AMDHD1: variants seen among roughly 807,000 people sequenced by gnomAD.
The protein encoded by AMDHD1 is amidohydrolase domain containing 1.
In AMDHD1, 45 loss-of-function variants were observed where a neutral mutation model predicts 44.1. That is an observed-to-expected ratio of 1.02 (90% confidence interval 0.80 to 1.31). The LOEUF is 1.31. AMDHD1 is among the 50% of genes most tolerant of loss of function. The pLI is 0.00. For missense variants in AMDHD1, 586 were observed against 552.1 expected, an observed-to-expected ratio of 1.06 and a Z score of -0.61; for synonymous variants, 206 against 205.0, an observed-to-expected ratio of 1.00 and a Z score of -0.04.
Position 95,943,549 on chromosome 12 carries a change from C to T in AMDHD1, c.137+14C>T, listed in dbSNP as rs983712567. Reference sequence around the variant, plus strand: ...GGTGGTGGGCAAGTAAGTGGCCGGGCGCGCAGGGTGGGGACCGCCACGGGC... The same window carrying T: ...GGTGGTGGGCAAGTAAGTGGCCGGGTGCGCAGGGTGGGGACCGCCACGGGC... On this transcript the variant is annotated intron_variant, in intron 1 of 8. Transcript: ENST00000266736. 3 of 1,438,804 alleles carry T rather than the reference C, an allele frequency of 2.1e-6. No individual in the cohort carries two copies. Among genetic ancestry groups the T allele is most frequent in the African/African-American group, 3.0e-5 (2 of 67,196 alleles). The allele number at this position is 1,438,804 out of a possible 1,614,324, so 89.1% of individuals were successfully genotyped here.
At chr12:95,958,544 G>A (rs1243036881) in intron 4 of AMDHD1, among the ~76,000 whole-genome samples, 1 of 152,098 alleles carries the variant, frequency 6.6e-6, no homozygotes, top group African/African-American at 2.4e-5. Context: ...AATATAAAGT[G>A]TATAATAGTC....
At chr12:95,958,034 CA>C (rs2080561398) in intron 4 of AMDHD1, among the ~76,000 whole-genome samples, 1 of 152,082 alleles carries the variant, frequency 6.6e-6, no homozygotes, top group African/African-American at 2.4e-5. Context: ...GCCTGGGCGA[CA>C]GAGCAAAACT....
At chr12:95,959,295 A>G (rs767132680) in intron 4 of AMDHD1, among the ~76,000 whole-genome samples, 3 of 152,330 alleles carry the variant, frequency 2.0e-5, no homozygotes, top group Non-Finnish European at 4.4e-5. Context: ...GCTAAAGAGC[A>G]TCTCCTAAGT....
At chr12:95,954,100 T>C (rs1402109461) in intron 2 of AMDHD1, among the ~76,000 whole-genome samples, 1 of 152,220 alleles carries the variant, frequency 6.6e-6, no homozygotes, top group Non-Finnish European at 1.5e-5. Context: ...TGCTTTACAG[T>C]TTCTCCTTAA....
intron 6 of AMDHD1, among the ~76,000 whole-genome samples, chr12:95,962,958 A>G (rs1366828364): frequency 6.6e-6 from 1 of 152,148 alleles, no homozygotes; most frequent in Non-Finnish European, 1.5e-5. Context: ...AGGAAAGAGG[A>G]GACATATATT....
intron 8 of AMDHD1, among the ~76,000 whole-genome samples, 185 bp from the exon 9 acceptor site, chr12:95,967,571 A>C (rs1451213728): frequency 1.3e-5 from 2 of 152,094 alleles, no homozygotes; most frequent in Admixed American, 1.3e-4. Flanking sequence ...TGATATTATT[A>C]AACAATGTTT....
chr12:95,963,706 G>GT, intron 6 of AMDHD1, among the ~76,000 whole-genome samples: 1 of 152,254 alleles, frequency 6.6e-6, no homozygotes, highest in South Asian at 2.1e-4. Context: ...CAAGAAATAA[G>GT]TTTTTTGTTT....
chr12:95,954,059 T>A (rs2080538032), intron 2 of AMDHD1, among the ~76,000 whole-genome samples: 1 of 152,244 alleles, frequency 6.6e-6, no homozygotes. Flanking sequence ...TTTACTGAAT[T>A]GTACCTGGAT....
At chr12:95,953,816 A>G (rs1156974945) in intron 2 of AMDHD1, among the ~76,000 whole-genome samples, 1 of 152,150 alleles carries the variant, frequency 6.6e-6, no homozygotes, top group Non-Finnish European at 1.5e-5. Flanking sequence ...CCTGATCTCA[A>G]GCGATCTGCT....
intron 1 of AMDHD1, 125 bp downstream of exon 1, chr12:95,943,660 C>G (rs1455058370): frequency 7.7e-7 from 1 of 1,290,554 alleles, no homozygotes; most frequent in African/African-American, 1.6e-5. Flanking sequence ...CACGGGCAAG[C>G]CAGCCTTTGG....
At chr12:95,948,404 A>G (rs2080510788) in intron 1 of AMDHD1, among the ~76,000 whole-genome samples, 2 of 52,764 alleles carry the variant, frequency 3.8e-5, no homozygotes, top group Admixed American at 1.9e-4. Context: ...CCCGTCCGGG[A>G]GGTGAGGGGC....
intron 5 of AMDHD1, among the ~76,000 whole-genome samples, chr12:95,961,008 T>G (rs2080578790): frequency 6.6e-6 from 1 of 151,562 alleles, no homozygotes; most frequent in Non-Finnish European, 1.5e-5. Flanking sequence ...AAAATTAGCG[T>G]GGTGGCACGC....
At chr12:95,965,243 G>A (rs1366083435) in intron 6 of AMDHD1, among the ~76,000 whole-genome samples, 1 of 148,950 alleles carries the variant, frequency 6.7e-6, no homozygotes, top group East Asian at 2.0e-4. Flanking sequence ...AAGTTGGAGT[G>A]AGCCGAGATC....
intron 3 of AMDHD1, among the ~76,000 whole-genome samples, chr12:95,955,470 A>G (rs1019174187): frequency 6.6e-6 from 1 of 152,208 alleles, no homozygotes; most frequent in Non-Finnish European, 1.5e-5. Flanking sequence ...AAAAAGAAAA[A>G]AAAAGATGTG....
rs773157960 is a variant in AMDHD1 at position 95,965,779 on chromosome 12, G to T, written c.1032G>T (p.Met344Ile). ...DFNPNAYCFSMPMVMHLACVN... is the reference protein window; with the variant it reads ...DFNPNAYCFSIPMVMHLACVN... ...ACCCCAATGCATATTGCTTTTCAAT[G>T]GTAATTATTTTTTTCATGTACCTTT... Residue 344 changes from methionine (M) to isoleucine (I), a missense_variant and splice_region_variant, in exon 7 of 9, where the codon ATG becomes ATT. Transcript: ENST00000266736. 1 of 1,598,268 alleles carries T rather than the reference G, an allele frequency of 6.3e-7. No homozygotes were observed. Among genetic ancestry groups the T allele is most frequent in the East Asian group, 2.2e-5 (1 of 44,446 alleles).
chr12:95,962,692 G>A, intron 6 of AMDHD1, among the ~76,000 whole-genome samples: 1 of 152,192 alleles, frequency 6.6e-6, no homozygotes, highest in East Asian at 1.9e-4. Context: ...CCTTTGAGTG[G>A]CAGGATTATT....
At chr12:95,947,729 C>A (rs1209796341) in intron 1 of AMDHD1, among the ~76,000 whole-genome samples, 5 of 74,966 alleles carry the variant, frequency 6.7e-5, no homozygotes, top group African/African-American at 3.2e-4. Flanking sequence ...GTCAGCCCCC[C>A]CACCCGGCCA....
intron 3 of AMDHD1, 121 bp from the exon 4 acceptor site, chr12:95,956,564 G>A: frequency 7.4e-7 from 1 of 1,346,414 alleles, no homozygotes; most frequent in Non-Finnish European, 1.0e-6. Context: ...AATCTGATGG[G>A]TTGGTGCCCA....
chr12:95,960,487 T>G lies in AMDHD1; in HGVS notation c.677T>G (p.Val226Gly). 6.2e-7 allele frequency: 1 copy of G among 1,614,216 alleles called. No individual in the cohort carries two copies. The highest frequency in any genetic ancestry group is 8.5e-7 in the Non-Finnish European group (1 of 1,180,030). The part of the protein sequence containing the change: ...KELGRNGEIH[V>G]DNIDVFCEKG... ...CTTGGCAGAAATGGGGAAATACACG[T>G]GGACAATATAGACGTATTTTGTGAG... Residue 226 changes from valine (V) to glycine (G), a missense_variant, in exon 5 of 9, where the codon GTG becomes GGG. Transcript: ENST00000266736.
Sources: allele counts gnomAD v4.1 joint callset (sites outside exome capture counted in the v4.1 genomes callset), GRCh38; gene constraint gnomAD v4.1.1; transcripts MANE v1.5; gene names NCBI Gene and HGNC (gene_info 2026-07-23, HGNC 2026-07-21).